KANSL1: variants seen among roughly 807,000 people sequenced by gnomAD.
KANSL1 encodes the protein MLL1/MLL complex subunit KANSL1.
A neutral mutation model predicts 103.6 loss-of-function variants in KANSL1; 22 were observed. The observed-to-expected ratio is 0.21, with a 90% confidence interval of 0.15 to 0.30. KANSL1 has a LOEUF of 0.30. KANSL1 is among the 10% of genes least tolerant of loss of function. KANSL1 has a pLI of 1.00. For synonymous variants in KANSL1, 600 were observed against 527.6 expected, an observed-to-expected ratio of 1.14 and a Z score of -1.88; for missense variants, 1,337 against 1,399.8, an observed-to-expected ratio of 0.96 and a Z score of 0.72.
At chr17:46,110,384 G>A (rs966442900) in intron 2 of KANSL1, among the ~76,000 whole-genome samples, 1 of 152,102 alleles carries the variant, frequency 6.6e-6, no homozygotes, top group African/African-American at 2.4e-5. Flanking sequence ...ATTAATTCAC[G>A]AAATCCTCAT....
At chr17:46,152,301 A>AG (rs2045150061) in intron 2 of KANSL1, among the ~76,000 whole-genome samples, 1 of 152,258 alleles carries the variant, frequency 6.6e-6, no homozygotes, top group Non-Finnish European at 1.5e-5. Flanking sequence ...GCTTACTCCC[A>AG]GAACACAAAT....
intron 4 of KANSL1, among the ~76,000 whole-genome samples, chr17:46,075,331 A>AAC (rs757739367): frequency 7.5e-5 from 11 of 147,290 alleles, no homozygotes; most frequent in Admixed American, 1.4e-4. Context: ...CTACTATTTC[A>AAC]ACACACACAC....
intron 1 of KANSL1, among the ~76,000 whole-genome samples, chr17:46,219,118 G>T (rs1395664976): frequency 6.6e-6 from 1 of 151,840 alleles, no homozygotes; most frequent in Non-Finnish European, 1.5e-5. Context: ...AAAAAAATTA[G>T]CTGGCCATGG....
chr17:46,141,226 G>A (rs2044404594), intron 2 of KANSL1, among the ~76,000 whole-genome samples: 2 of 152,194 alleles, frequency 1.3e-5, no homozygotes, highest in South Asian at 2.1e-4. Context: ...ACCTGTGAGT[G>A]TACACAACAA....
At chr17:46,083,668 G>A (rs1048080689) in intron 3 of KANSL1, among the ~76,000 whole-genome samples, 3 of 152,104 alleles carry the variant, frequency 2.0e-5, no homozygotes, top group African/African-American at 7.2e-5. Context: ...TGGAGTAGCT[G>A]GGATGACAGG....
intron 1 of KANSL1, among the ~76,000 whole-genome samples, chr17:46,203,200 C>G (rs1297754575): frequency 6.6e-6 from 1 of 152,106 alleles, no homozygotes; most frequent in Non-Finnish European, 1.5e-5. Flanking sequence ...GAGATCGCGC[C>G]ACTGCACTCC....
At chr17:46,184,690 C>CG (rs1470485859) in intron 1 of KANSL1, among the ~76,000 whole-genome samples, 1 of 152,200 alleles carries the variant, frequency 6.6e-6, no homozygotes, top group Non-Finnish European at 1.5e-5. Flanking sequence ...GTTACATGCT[C>CG]TTTCAAGTAT....
intron 2 of KANSL1, among the ~76,000 whole-genome samples, chr17:46,135,983 G>A (rs938756198): frequency 6.6e-6 from 1 of 151,972 alleles, no homozygotes; most frequent in Non-Finnish European, 1.5e-5. Context: ...ATTAGCTTGG[G>A]AAACTACAGA....
At chr17:46,147,183 T>C (rs2044754673) in intron 2 of KANSL1, among the ~76,000 whole-genome samples, 1 of 152,150 alleles carries the variant, frequency 6.6e-6, no homozygotes, top group Non-Finnish European at 1.5e-5. Context: ...ATTTAAAAAG[T>C]CAATATGCTT....
chr17:46,058,365 T>C (rs2078005066), intron 6 of KANSL1, among the ~76,000 whole-genome samples: 1 of 152,208 alleles, frequency 6.6e-6, no homozygotes, highest in South Asian at 2.1e-4. Flanking sequence ...CCTGCTTTAG[T>C]TGTGGAGCTA....
chr17:46,097,404 T>C (rs910095093), intron 2 of KANSL1, among the ~76,000 whole-genome samples: 16 of 151,850 alleles, frequency 1.1e-4, no homozygotes, highest in Non-Finnish European at 1.3e-4. Context: ...AATAAACAAA[T>C]AAACATTAAT....
intron 11 of KANSL1, among the ~76,000 whole-genome samples, chr17:46,033,898 A>G (rs1413376903): frequency 6.6e-6 from 1 of 152,248 alleles, no homozygotes; most frequent in Non-Finnish European, 1.5e-5. Flanking sequence ...TTTAAAACAT[A>G]CTGTATGTGT....
At chr17:46,170,008 GCGGGTAC>G (rs1387022959) in intron 2 of KANSL1, among the ~76,000 whole-genome samples, 1 of 152,188 alleles carries the variant, frequency 6.6e-6, no homozygotes, top group East Asian at 1.9e-4. Context: ...TGACTTGGTG[GCGGGTAC>G]CTGTAATCCC....
At chr17:46,134,755 G>A (rs1305718080) in intron 2 of KANSL1, among the ~76,000 whole-genome samples, 2 of 152,008 alleles carry the variant, frequency 1.3e-5, no homozygotes, top group African/African-American at 2.4e-5. Flanking sequence ...TGAGGCAGGA[G>A]AATCACTTCA....
intron 6 of KANSL1, among the ~76,000 whole-genome samples, chr17:46,056,682 A>G (rs1310466194): frequency 6.6e-6 from 1 of 152,250 alleles, no homozygotes; most frequent in Admixed American, 6.5e-5. Flanking sequence ...ATGATCATTG[A>G]TAAGTCACAT....
chr17:46,064,436 C>T (rs1344670052), intron 6 of KANSL1, among the ~76,000 whole-genome samples: 1 of 152,200 alleles, frequency 6.6e-6, no homozygotes, highest in African/African-American at 2.4e-5. Context: ...ATGTTATCTA[C>T]AATGGTTCCC....
At chr17:46,075,765 T>C (rs115970029) in intron 4 of KANSL1, among the ~76,000 whole-genome samples, 1,797 of 152,318 alleles carry the variant, frequency 0.012, 31 homozygotes, top group African/African-American at 0.041. Flanking sequence ...ATAGAATCCA[T>C]TCTGAATTGG....
upstream of KANSL1, among the ~76,000 whole-genome samples, chr17:46,195,342 TAAGC>T (rs1436325431): frequency 3.3e-5 from 5 of 152,336 alleles, no homozygotes; most frequent in African/African-American, 7.2e-5. Context: ...GGCAACCAAA[TAAGC>T]AAGATTATAT....
intron 6 of KANSL1, among the ~76,000 whole-genome samples, chr17:46,053,618 TAG>T (rs1243850680): frequency 6.6e-6 from 1 of 152,064 alleles, no homozygotes; most frequent in Non-Finnish European, 1.5e-5. Flanking sequence ...ATTTTTTTAG[TAG>T]AGACAGGGTT....
Sources: gnomAD v4.1 joint callset for allele counts (sites outside exome capture counted in the v4.1 genomes callset) on GRCh38, gnomAD v4.1.1 for gene constraint, MANE v1.5 for transcripts, NCBI Gene and HGNC (gene_info 2026-07-23, HGNC 2026-07-21) for gene names.